The following BICRA variants were observed in gnomAD, a reference collection of about 807,000 sequenced individuals.
The protein encoded by BICRA is BRD4 interacting chromatin remodeling complex associated protein, also known as BRD4-interacting chromatin-remodeling complex-associated protein.
In BICRA, 31 loss-of-function variants were observed where a neutral mutation model predicts 96.9. That is an observed-to-expected ratio of 0.32 (90% CI 0.24 to 0.43). The LOEUF (loss-of-function observed/expected upper bound fraction) is 0.43, where lower values mean the gene tolerates loss of function less well. BICRA is among the 20% of genes least tolerant of loss of function. BICRA has a pLI of 1.00. For synonymous variants in BICRA, 1,350 were observed against 1,071.8 expected (o/e 1.26, Z -5.07); for missense variants, 2,283 against 2,190.3 (o/e 1.04, Z -0.84).
chr19:47,699,279 ACGT>A lies in BICRA; in HGVS notation c.3493-19_3493-17del, dbSNP rs760874414. The A allele has an allele frequency of 8.7e-6, 12 of 1,373,590 alleles. No individual in the cohort carries two copies. The East Asian group carries it at 2.7e-4, about 31-fold the overall frequency. 85.1% of individuals were successfully genotyped at this position (1,373,590 alleles called of 1,614,324 possible). A position where few individuals can be genotyped will look rare whatever the true frequency, so the allele number is the denominator to read the frequency against. On this transcript the variant is annotated intron_variant, in intron 13 of 14. Coordinates refer to ENST00000594866, the MANE Select transcript of BICRA (RefSeq NM_001394372.1). This position sits in a 1 kb window ranked among gnomAD's most constrained non-coding sequence, Gnocchi z 5.0. Reference sequence around the variant, plus strand: ...TCCCCCTTCTTGCTGGTTCACTCGCACGTCGTCTTTTCCCCCACCCCAGAGGGT... The same window carrying A: ...TCCCCCTTCTTGCTGGTTCACTCGCACGTCTTTTCCCCCACCCCAGAGGGT...
In BICRA at chr19:47,701,318, G is replaced by A. The variant is rs750782380; in HGVS notation, c.3596-10G>A. On this transcript the variant is annotated splice_polypyrimidine_tract_variant and intron_variant, in intron 14 of 14. Coordinates refer to ENST00000594866, the MANE Select transcript of BICRA (RefSeq NM_001394372.1). The surrounding 1 kb of genome is among the most constrained non-coding windows in gnomAD (Gnocchi z 5.4). Reference sequence around the variant, plus strand: ...TAACCCCGCGGGTTTTCTTTGCCCCGATTCTGCAGACGAGTACGTGTCTTC... The same window carrying A: ...TAACCCCGCGGGTTTTCTTTGCCCCAATTCTGCAGACGAGTACGTGTCTTC... 3.1e-6 allele frequency: 5 copies of A among 1,606,048 alleles called. No homozygotes were observed. The highest frequency in any genetic ancestry group is 2.2e-5 in the East Asian group (1 of 44,804).
At chr19:47,653,373 A>C (rs1008748896) in intron 1 of BICRA, among the ~76,000 whole-genome samples, 6 of 150,274 alleles carry the variant, frequency 4.0e-5, no homozygotes, top group African/African-American at 1.2e-4. Flanking sequence ...ATATTCACAT[A>C]CCATAAAATC....
At chr19:47,669,320 G>T (rs187811818) in intron 1 of BICRA, among the ~76,000 whole-genome samples, 186 of 152,180 alleles carry the variant, frequency 1.2e-3, no homozygotes, top group African/African-American at 4.3e-3. Flanking sequence ...AAACAGAAAC[G>T]CATATAAGTC....
intron 1 of BICRA, among the ~76,000 whole-genome samples, chr19:47,637,343 T>G (rs1972314870): frequency 6.6e-6 from 1 of 151,904 alleles, no homozygotes; most frequent in Non-Finnish European, 1.5e-5. Context: ...ATGGTCTCAG[T>G]CTCTTGACCT....
chr19:47,627,632 C>G (rs1196432889), intron 1 of BICRA, among the ~76,000 whole-genome samples: 3 of 152,150 alleles, frequency 2.0e-5, no homozygotes, highest in African/African-American at 7.2e-5. Context: ...CATTGCAGTT[C>G]CACTTTGCCC....
At chr19:47,690,576 C>T (rs569274476) in intron 7 of BICRA, among the ~76,000 whole-genome samples, 1 of 152,266 alleles carries the variant, frequency 6.6e-6, no homozygotes, top group South Asian at 2.1e-4. Context: ...GTGCATTTCT[C>T]TTATTACAAG....
At chr19:47,652,686 A>C (rs1972557430) in intron 1 of BICRA, among the ~76,000 whole-genome samples, 1 of 152,174 alleles carries the variant, frequency 6.6e-6, no homozygotes, top group Non-Finnish European at 1.5e-5. Context: ...TATTTTTTTC[A>C]ACAAATATTT....
In BICRA at chr19:47,615,385, A is replaced by G. The variant is rs73943805; in HGVS notation, c.-108+6217A>G. On this transcript the variant is annotated intron_variant, in intron 1 of 14. Coordinates refer to ENST00000594866, the MANE Select transcript of BICRA (RefSeq NM_001394372.1). ...TCCAGGCTGCACGTGTCTTTGCCTC[A>G]GGTGACCTCCTTGTGTCTGATGACC... is the stretch of plus-strand genomic sequence containing the variant. Among the ~76,000 whole-genome samples, 1,077 of 152,308 alleles carry G rather than the reference A, an allele frequency of 7.1e-3. 23 individuals carry two copies. The highest frequency in any genetic ancestry group is 0.024 in the African/African-American group (1,005 of 41,572).
Position 47,702,300 on chromosome 19 carries a change from AC to A in BICRA, c.4573del (p.His1525ThrfsTer34). ...CCCGGCCGGACGCCCGCGCCCTCGT[AC>A]CCCCACGCTGCCTCGGCCGGCACCC... ...QAPGRTPAPS[Y>X]PHAASAGTPA... On this transcript the variant is annotated frameshift_variant, in exon 15 of 15. Coordinates refer to ENST00000594866, the MANE Select transcript of BICRA (RefSeq NM_001394372.1). LOFTEE classifies it high-confidence loss of function. 2 of 1,582,472 alleles carry A rather than the reference AC, an allele frequency of 1.3e-6. No individual in the cohort carries two copies.
At chr19:47,695,593 C>T in intron 10 of BICRA, 119 bp downstream of exon 10, 1 of 628,948 alleles carries the variant, frequency 1.6e-6, no homozygotes, top group Non-Finnish European at 2.9e-6. Flanking sequence ...CTGGGACCAT[C>T]AGGCAGCTGA....
chr19:47,675,774 C>T lies in BICRA; in HGVS notation c.85-77C>T. 1 of 1,102,608 alleles carries T rather than the reference C, an allele frequency of 9.1e-7. No individual in the cohort carries two copies. The highest frequency in any genetic ancestry group is 1.3e-5 in the South Asian group (1 of 75,606). 68.3% of individuals were successfully genotyped at this position (1,102,608 alleles called of 1,614,324 possible). ...CCCTTGTCTTTTTGTCCTGAGTGACCCTAAATTGGTTTCTGCTCCAGAGCA... is the reference window on the plus strand; with the variant it reads ...CCCTTGTCTTTTTGTCCTGAGTGACTCTAAATTGGTTTCTGCTCCAGAGCA... On this transcript the variant is annotated intron_variant, in intron 4 of 14. Transcript: ENST00000594866. The surrounding 1 kb of genome is among the most constrained non-coding windows in gnomAD (Gnocchi z 4.7).
intron 1 of BICRA, among the ~76,000 whole-genome samples, chr19:47,643,978 A>G (rs1355576213): frequency 6.6e-6 from 1 of 152,162 alleles, no homozygotes. Flanking sequence ...GGCACAGAGC[A>G]TGATATAGAG....
At chr19:47,634,483 C>G (rs1037289761) in intron 1 of BICRA, among the ~76,000 whole-genome samples, 2 of 152,238 alleles carry the variant, frequency 1.3e-5, no homozygotes, top group African/African-American at 4.8e-5. Context: ...TTTCTCTCCC[C>G]CTTGATCACT....
At chr19:47,652,612 T>TA (rs1457173567) in intron 1 of BICRA, among the ~76,000 whole-genome samples, 1 of 152,218 alleles carries the variant, frequency 6.6e-6, no homozygotes, top group Non-Finnish European at 1.5e-5. Context: ...CGTGGCTTTT[T>TA]AGCTTGTGTG....
intron 6 of BICRA, among the ~76,000 whole-genome samples, 157 bp downstream of exon 6, chr19:47,681,433 C>T (rs570414568): frequency 1.3e-5 from 2 of 152,256 alleles, no homozygotes; most frequent in African/African-American, 4.8e-5. Context: ...TAAGAGGAGG[C>T]CCGAAGGGTG....
rs761873004 is a variant in BICRA, at chr19:47,680,958, C to G, written c.1788C>G (p.Leu596=). 3 of 1,480,198 alleles carry G rather than the reference C, an allele frequency of 2.0e-6. No individual in the cohort carries two copies. Among genetic ancestry groups the G allele is most frequent in the East Asian group, 2.8e-5 (1 of 35,838 alleles). The allele number at this position is 1,480,198 out of a possible 1,614,324, so 91.7% of individuals were successfully genotyped here. A position where few individuals can be genotyped will look rare whatever the true frequency, so the allele number is the denominator to read the frequency against. ...VTLPPSAVAM[L]NTPDGLVQPA... is the part of the protein sequence containing the mutation. ...TGCCCCCCAGCGCCGTGGCCATGCTCAACACCCCCGACGGCCTGGTGCAGC... is the reference window on the plus strand; with the variant it reads ...TGCCCCCCAGCGCCGTGGCCATGCTGAACACCCCCGACGGCCTGGTGCAGC... The change falls in exon 6 of 15, where the codon CTC becomes CTG. Residue 596 remains leucine, a synonymous_variant. Coordinates refer to ENST00000594866, the MANE Select transcript of BICRA (RefSeq NM_001394372.1).
chr19:47,685,253 T>C (rs1252602543), intron 7 of BICRA, among the ~76,000 whole-genome samples: 1 of 152,026 alleles, frequency 6.6e-6, no homozygotes, highest in Admixed American at 6.6e-5. Flanking sequence ...CTCACAGGGC[T>C]GGGATTATGG....
intron 1 of BICRA, among the ~76,000 whole-genome samples, chr19:47,653,506 C>T (rs1410616650): frequency 1.3e-5 from 2 of 152,110 alleles, no homozygotes; most frequent in African/African-American, 4.8e-5. Context: ...CATGAGCAGC[C>T]GCTTTGAATT....
chr19:47,690,670 T>C (rs1271561667), intron 7 of BICRA, among the ~76,000 whole-genome samples: 1 of 152,132 alleles, frequency 6.6e-6, no homozygotes, highest in Admixed American at 6.6e-5. Flanking sequence ...TGCCCCTTTT[T>C]CACCAGTTGT....
Sources: allele counts gnomAD v4.1 joint callset (sites outside exome capture counted in the v4.1 genomes callset), GRCh38; gene constraint gnomAD v4.1.1; non-coding constraint Gnocchi (gnomAD v3.1); transcripts MANE v1.5; gene names NCBI Gene and HGNC (gene_info 2026-07-23, HGNC 2026-07-21).